Variants in AGL observed in about 807,000 individuals in gnomAD.
AGL encodes the protein glycogen debranching enzyme.
A neutral mutation model predicts 199.3 loss-of-function variants in AGL; 128 were observed. That is an observed-to-expected ratio of 0.64 (90% CI 0.56 to 0.74). The LOEUF (loss-of-function observed/expected upper bound fraction) is 0.74. Ranked by LOEUF, AGL falls within the 30% of genes least tolerant of loss-of-function variation. The pLI is 0.00. For synonymous variants in AGL, 584 were observed against 594.7 expected (o/e 0.98, Z 0.26); for missense variants, 1,809 against 1,820.8 (o/e 0.99, Z 0.12).
At chr1:99,895,593 G>A (rs1409589927) in intron 24 of AGL, among the ~76,000 whole-genome samples, 1 of 152,038 alleles carries the variant, frequency 6.6e-6, no homozygotes, top group Non-Finnish European at 1.5e-5. Flanking sequence ...TTAAGTTCAA[G>A]GTAGAGTCTT....
Position 99,912,509 on chromosome 1 carries a change from A to G in AGL, c.3941A>G (p.Lys1314Arg). 2 of 1,607,542 alleles carry G rather than the reference A, an allele frequency of 1.2e-6. No homozygotes were observed. The highest frequency in any genetic ancestry group is 1.7e-6 in the Non-Finnish European group (2 of 1,174,204). The change falls in exon 29 of 34, where the codon AAA (lysine) becomes AGA (arginine). Residue 1314 changes from lysine to arginine, a missense_variant. Transcript: ENST00000361915. ...TTCCCTTATCATGAAGTCACAGTAA[A>G]AAGACATGGTAAGCTGGTTATTTTA... ...NIFPYHEVTV[K>R]RHGKAIKVSY...
intron 2 of AGL, among the ~76,000 whole-genome samples, chr1:99,854,393 G>A (rs977531350): frequency 2.0e-5 from 3 of 152,160 alleles, no homozygotes; most frequent in Non-Finnish European, 2.9e-5. Context: ...GGTTAAAACC[G>A]GTAAATGTAT....
At chr1:99,900,287 GT>G (rs1382045473) in intron 25 of AGL, among the ~76,000 whole-genome samples, 8 of 152,058 alleles carry the variant, frequency 5.3e-5, no homozygotes, top group Non-Finnish European at 1.0e-4. Context: ...AAATAATTAA[GT>G]TCTTGTTTAA....
intron 11 of AGL, among the ~76,000 whole-genome samples, chr1:99,876,961 A>T (rs1337893716): frequency 6.6e-6 from 1 of 152,178 alleles, no homozygotes. Flanking sequence ...AGATATTTTC[A>T]CTCATTGGCC....
intron 7 of AGL, among the ~76,000 whole-genome samples, chr1:99,871,474 G>C: frequency 6.6e-6 from 1 of 151,254 alleles, no homozygotes; most frequent in East Asian, 2.0e-4. Flanking sequence ...AGGGTTTGTA[G>C]GAGACAAATT....
chr1:99,920,579 T>G (rs746746396), intron 33 of AGL, among the ~76,000 whole-genome samples: 2 of 152,228 alleles, frequency 1.3e-5, no homozygotes, highest in African/African-American at 2.4e-5. Context: ...ATTTTCTATA[T>G]TTTCCATGTT....
chr1:99,889,367 T>A (rs1415224021), intron 21 of AGL, among the ~76,000 whole-genome samples: 1 of 152,210 alleles, frequency 6.6e-6, no homozygotes, highest in Non-Finnish European at 1.5e-5. Context: ...GATCTTTTTT[T>A]CTAAAATATT....
Position 99,851,023 on chromosome 1 carries a change from C to T in AGL, c.-20C>T. The T allele has an allele frequency of 6.2e-7, 1 of 1,600,408 alleles. No homozygotes were observed. The highest frequency in any genetic ancestry group is 8.6e-7 in the Non-Finnish European group (1 of 1,167,642). On this transcript the variant is annotated 5_prime_UTR_variant, in exon 2 of 34. Coordinates refer to ENST00000361915, the MANE Select transcript of AGL (RefSeq NM_000642.3). Reference sequence around the variant, plus strand: ...TTCTTTTAATTCTTATGAAAGATTTCAAATCCTCTAGAAGCCAAAATGGGA... The same window carrying T: ...TTCTTTTAATTCTTATGAAAGATTTTAAATCCTCTAGAAGCCAAAATGGGA...
chr1:99,892,621 T>A lies in AGL; in HGVS notation c.3259+14T>A. 1 of 1,610,810 alleles carries A rather than the reference T, an allele frequency of 6.2e-7. No homozygotes were observed. The highest frequency in any genetic ancestry group is 1.1e-5 in the South Asian group (1 of 90,996). Reference sequence around the variant, plus strand: ...CTCTAGCTGCAGGTAAGGAATTATGTACAAGGTTAAAATATGTAAATCGAT... The same window carrying A: ...CTCTAGCTGCAGGTAAGGAATTATGAACAAGGTTAAAATATGTAAATCGAT... On this transcript the variant is annotated intron_variant, in intron 24 of 33. Transcript: ENST00000361915.
chr1:99,898,504 A>C (rs1179380967), intron 25 of AGL, among the ~76,000 whole-genome samples: 1 of 152,204 alleles, frequency 6.6e-6, no homozygotes, highest in East Asian at 1.9e-4. Flanking sequence ...CCCAGAGAAT[A>C]ATATATTATC....
chr1:99,854,156 T>A (rs1400508301), intron 2 of AGL, among the ~76,000 whole-genome samples: 1 of 151,998 alleles, frequency 6.6e-6, no homozygotes, highest in Non-Finnish European at 1.5e-5. Flanking sequence ...ATCACACCAT[T>A]GCACTCCAGC....
At chr1:99,852,351 CTTTTTTTTTTT>C (rs11363065) in intron 2 of AGL, among the ~76,000 whole-genome samples, 9 of 97,554 alleles carry the variant, frequency 9.2e-5, no homozygotes, top group Non-Finnish European at 1.3e-4. Context: ...GCATTCATTT[CTTTTTTTTTTT>C]TTTTTTTTTT....
intron 5 of AGL, among the ~76,000 whole-genome samples, chr1:99,869,752 A>T (rs1259131391): frequency 6.6e-6 from 1 of 152,240 alleles, no homozygotes; most frequent in African/African-American, 2.4e-5. Flanking sequence ...TTCAGGGATA[A>T]TTATTAGTCC....
chr1:99,893,491 G>A (rs1653065143), intron 24 of AGL, among the ~76,000 whole-genome samples: 1 of 152,178 alleles, frequency 6.6e-6, no homozygotes, highest in Non-Finnish European at 1.5e-5. Flanking sequence ...AGATGCTCAT[G>A]AAACTGACCT....
chr1:99,849,582 A>C (rs1326747964), upstream of AGL, among the ~76,000 whole-genome samples: 2 of 152,110 alleles, frequency 1.3e-5, no homozygotes, highest in Non-Finnish European at 2.9e-5. Flanking sequence ...TGGTTTGCAG[A>C]CTGGCCACAC....
intron 2 of AGL, among the ~76,000 whole-genome samples, chr1:99,855,405 A>G (rs749224204): frequency 6.6e-6 from 1 of 152,164 alleles, no homozygotes; most frequent in Non-Finnish European, 1.5e-5. Flanking sequence ...TGATATTTCT[A>G]TAGATTCTTC....
chr1:99,902,890 A>C, intron 27 of AGL, 96 bp downstream of exon 27: 4 of 908,544 alleles, frequency 4.4e-6, no homozygotes, highest in Non-Finnish European at 7.1e-6. Context: ...GCCAAACCTC[A>C]CGATATAATG....
intron 14 of AGL, 62 bp from the exon 15 acceptor site, chr1:99,881,014 A>G: frequency 7.2e-7 from 1 of 1,396,450 alleles, no homozygotes; most frequent in Non-Finnish European, 1.0e-6. Flanking sequence ...TCATTATGCT[A>G]TAGAATAGCA....
chr1:99,877,751 T>A lies in AGL; in HGVS notation c.1534T>A (p.Tyr512Asn). The A allele has an allele frequency of 6.2e-7, 1 of 1,613,998 alleles. No individual in the cohort carries two copies. ...CPYLWAHMKKYTEITATYFQG... is the reference protein window; with the variant it reads ...CPYLWAHMKKNTEITATYFQG... ...TTATCTCTGGGCACACATGAAAAAA[T>A]ACACTGAAATAACTGCAACTTATTT... Residue 512 changes from tyrosine to asparagine, a missense_variant, in exon 12 of 34, where the codon TAC becomes AAC. Physicochemically the swap from Tyr to Asn is moderately radical, Grantham distance 143. Coordinates refer to ENST00000361915, the MANE Select transcript of AGL (RefSeq NM_000642.3).
Sources: allele counts gnomAD v4.1 joint callset (sites outside exome capture counted in the v4.1 genomes callset), GRCh38; gene constraint gnomAD v4.1.1; transcripts MANE v1.5; gene names NCBI Gene and HGNC (gene_info 2026-07-23, HGNC 2026-07-21).